WDR27: variants seen among roughly 807,000 people sequenced by gnomAD.
WDR27 encodes WD repeat domain 27.
A neutral mutation model predicts 114.4 loss-of-function variants in WDR27; 100 were observed. The ratio of observed to expected loss-of-function variants is 0.87; its 90% CI spans 0.74 to 1.03. WDR27 has a LOEUF of 1.03. Among genes scored for constraint, WDR27 ranks in the 50% least tolerant of loss-of-function variants. The probability of loss-of-function intolerance (pLI) is 0.00; values close to 1 mark genes in which losing one functional copy is unlikely to be tolerated. For synonymous variants in WDR27, 449 were observed against 423.1 expected (o/e 1.06, Z -0.75); for missense variants, 1,129 against 1,092.9 (o/e 1.03, Z -0.47).
chr6:169,625,517 C>T (rs73790063), intron 21 of WDR27, among the ~76,000 whole-genome samples: 2,804 of 152,318 alleles, frequency 0.018, 77 homozygotes, highest in African/African-American at 0.061. Context: ...GTGCAGCTGG[C>T]GGACGCTCAG....
intron 5 of WDR27, among the ~76,000 whole-genome samples, chr6:169,667,545 G>A (rs1258164651): frequency 1.3e-5 from 2 of 152,148 alleles, no homozygotes; most frequent in African/African-American, 2.4e-5. Flanking sequence ...GTGCACACTC[G>A]CTGGTCAGGT....
intron 23 of WDR27, among the ~76,000 whole-genome samples, chr6:169,596,129 G>A (rs116740610): frequency 0.011 from 1,606 of 151,892 alleles, 23 homozygotes; most frequent in African/African-American, 0.037. Flanking sequence ...CCAGGTATTC[G>A]TTCAATATCT....
intron 25 of WDR27, among the ~76,000 whole-genome samples, chr6:169,494,962 GAAATTGCAC>G (rs1480635733): frequency 6.6e-6 from 1 of 152,090 alleles, no homozygotes; most frequent in African/African-American, 2.4e-5. Context: ...TGCTGAAAGA[GAAATTGCAC>G]AAACATTAAA....
intron 25 of WDR27, among the ~76,000 whole-genome samples, chr6:169,493,568 G>T (rs536236062): frequency 6.6e-6 from 1 of 151,894 alleles, no homozygotes; most frequent in African/African-American, 2.4e-5. Context: ...TTCCACTAAT[G>T]TAACCACCAG....
intron 18 of WDR27, among the ~76,000 whole-genome samples, chr6:169,638,296 C>T (rs1458761927): frequency 1.6e-5 from 1 of 61,510 alleles, no homozygotes; most frequent in Non-Finnish European, 2.6e-5. Context: ...GCAGTCCGAC[C>T]TGGGCGACAG....
rs540851293 is a variant in WDR27, at chr6:169,695,538, C to T, written c.-8+6013G>A. Among the ~76,000 whole-genome samples the T allele has an allele frequency of 4.6e-5, 7 of 152,258 alleles. No individual in the cohort carries two copies. In the East Asian group the frequency reaches 1.3e-3, roughly 29 times the overall value. On this transcript the variant is annotated intron_variant, in intron 1 of 25. Coordinates refer to ENST00000448612, the MANE Select transcript of WDR27 (RefSeq NM_182552.5). ...TTTTAGAGGGTAACACTCAGAAAGC[C>T]ATCTTGTTTCTCTCATTTCTAAATG... is the stretch of plus-strand genomic sequence containing the variant.
chr6:169,638,971 GGTGCTGGGTACTGTGCA>G (rs1301484724), intron 17 of WDR27, among the ~76,000 whole-genome samples: 32 of 152,172 alleles, frequency 2.1e-4, no homozygotes, highest in Admixed American at 1.7e-3. Flanking sequence ...TGTACTGCAT[GGTGCTGGGTACTGTGCA>G]GTGCTGGGTA....
At position 169,658,373 on chromosome 6, in the gene WDR27, A is replaced by T. The variant is rs1824915089; in HGVS notation, c.1320-15T>A. 1 of 1,581,842 alleles carries T rather than the reference A, an allele frequency of 6.3e-7. No individual in the cohort carries two copies. The highest frequency in any genetic ancestry group is 8.6e-7 in the Non-Finnish European group (1 of 1,163,266). ...GGACACAGGAGCTGAAACAGAAACAAGCCCCATGAAACTAGGAGCGCAAAC... is the reference window on the plus strand; with the variant it reads ...GGACACAGGAGCTGAAACAGAAACATGCCCCATGAAACTAGGAGCGCAAAC... On this transcript the variant is annotated splice_polypyrimidine_tract_variant and intron_variant, in intron 12 of 25. Coordinates refer to ENST00000448612, the MANE Select transcript of WDR27 (RefSeq NM_182552.5).
chr6:169,578,039 CCTATTCTGGAAACG>C (rs1802730565), intron 24 of WDR27, among the ~76,000 whole-genome samples: 1 of 152,166 alleles, frequency 6.6e-6, no homozygotes, highest in Non-Finnish European at 1.5e-5. Flanking sequence ...CATTGATTCC[CCTATTCTGGAAACG>C]CGTTTCTCTA....
At chr6:169,570,825 G>A (rs139900862) in intron 25 of WDR27, among the ~76,000 whole-genome samples, 13 of 151,868 alleles carry the variant, frequency 8.6e-5, no homozygotes, top group African/African-American at 1.9e-4. Context: ...GCGAAATTCC[G>A]TTTCAAAAAA....
At chr6:169,439,889 A>G in the WDR27 span, among the ~76,000 whole-genome samples, 8 of 147,006 alleles carry the variant, frequency 5.4e-5, no homozygotes, top group African/African-American at 2.1e-4. Context: ...TTATATTACC[A>G]ATATTATTAT....
chr6:169,625,514 T>G (rs1814578373), intron 21 of WDR27, among the ~76,000 whole-genome samples: 1 of 152,192 alleles, frequency 6.6e-6, no homozygotes, highest in Admixed American at 6.5e-5. Context: ...AGAGTGCAGC[T>G]GGCGGACGCT....
intron 17 of WDR27, among the ~76,000 whole-genome samples, chr6:169,641,876 C>A (rs1299643465): frequency 1.3e-5 from 2 of 152,270 alleles, no homozygotes; most frequent in African/African-American, 2.4e-5. Context: ...GCAGCGCGCT[C>A]AGAAGCCGCC....
At chr6:169,607,849 G>T (rs1241034098) in intron 22 of WDR27, among the ~76,000 whole-genome samples, 1 of 152,170 alleles carries the variant, frequency 6.6e-6, no homozygotes, top group East Asian at 1.9e-4. Context: ...CTAAGAAGAT[G>T]CCAGGAGTTA....
rs536317215 is a variant in WDR27 at position 169,589,934 on chromosome 6, G to A, written c.2425-7000C>T. Among the ~76,000 whole-genome samples, 34 of 13,098 alleles carry A rather than the reference G, an allele frequency of 2.6e-3. 1 individual carries two copies. The Middle Eastern group carries it at 0.18, about 70-fold the overall frequency. The allele number at this position is 13,098 out of a possible 152,430, so 8.6% of individuals were successfully genotyped here. A position where few individuals can be genotyped will look rare whatever the true frequency, so the allele number is the denominator to read the frequency against. ...ACAGAGTTGGAAATAAAACCTATGC[G>A]GGTAAATCTTATGCCAGAACCAAAT... On this transcript the variant is annotated intron_variant, in intron 23 of 25. Transcript: ENST00000448612.
intron 25 of WDR27, among the ~76,000 whole-genome samples, chr6:169,473,330 C>T (rs546807257): frequency 6.6e-6 from 1 of 152,254 alleles, no homozygotes; most frequent in African/African-American, 2.4e-5. Context: ...GGGAAGGAGG[C>T]TCAGTTTCGG....
intron 24 of WDR27, among the ~76,000 whole-genome samples, chr6:169,577,615 G>A (rs1321117353): frequency 2.0e-5 from 3 of 152,180 alleles, no homozygotes; most frequent in East Asian, 1.9e-4. Context: ...GCCAAGAACC[G>A]GCCCTGCGTG....
intron 25 of WDR27, among the ~76,000 whole-genome samples, chr6:169,548,462 G>A (rs1797725147): frequency 1.3e-5 from 2 of 152,138 alleles, no homozygotes; most frequent in Admixed American, 6.5e-5. Context: ...TGACTGATAT[G>A]TGAATTACCC....
chr6:169,656,574 A>G (rs926643714), intron 13 of WDR27, among the ~76,000 whole-genome samples: 2 of 152,140 alleles, frequency 1.3e-5, no homozygotes, highest in Non-Finnish European at 2.9e-5. Context: ...CGGGGGGCTG[A>G]GAACGAGGAG....
Sources: allele counts gnomAD v4.1 joint callset (sites outside exome capture counted in the v4.1 genomes callset), GRCh38; gene constraint gnomAD v4.1.1; transcripts MANE v1.5; gene names NCBI Gene and HGNC (gene_info 2026-07-23, HGNC 2026-07-21).